Variants in CCSER1 observed in about 807,000 individuals in gnomAD.
The protein encoded by CCSER1 is serine-rich coiled-coil domain-containing protein 1.
In CCSER1, 41 loss-of-function variants were observed where a neutral mutation model predicts 82.0. The ratio of observed to expected loss-of-function variants is 0.50; its 90% CI spans 0.39 to 0.65. CCSER1 has a LOEUF of 0.65. Ranked by LOEUF, CCSER1 falls within the 30% of genes least tolerant of loss-of-function variation. The pLI is 0.00. For missense variants in CCSER1, 1,119 were observed against 1,064.2 expected (o/e 1.05, Z -0.72); for synonymous variants, 414 against 383.9 (o/e 1.08, Z -0.92).
intron 6 of CCSER1, among the ~76,000 whole-genome samples, chr4:90,640,142 C>A (rs1318823845): frequency 1.3e-5 from 2 of 152,030 alleles, no homozygotes; most frequent in African/African-American, 4.8e-5. Flanking sequence ...GAAGTTAATT[C>A]CAAAAGCATA....
intron 7 of CCSER1, among the ~76,000 whole-genome samples, chr4:90,752,623 G>A (rs1420030111): frequency 1.3e-5 from 2 of 152,058 alleles, no homozygotes; most frequent in Non-Finnish European, 2.9e-5. Flanking sequence ...CTGGAGTGAT[G>A]TGAACCAATG....
intron 10 of CCSER1, among the ~76,000 whole-genome samples, chr4:91,473,675 A>G (rs1005728364): frequency 1.3e-5 from 2 of 152,146 alleles, no homozygotes; most frequent in Non-Finnish European, 1.5e-5. Context: ...AGGAAAAATT[A>G]AAAGAGTGTT....
intron 10 of CCSER1, among the ~76,000 whole-genome samples, chr4:91,242,704 A>C (rs1739463705): frequency 6.6e-6 from 1 of 152,196 alleles, no homozygotes; most frequent in South Asian, 2.1e-4. Context: ...TAATAAAAAT[A>C]TTAGCCATGG....
intron 5 of CCSER1, among the ~76,000 whole-genome samples, chr4:90,556,092 A>C (rs1175309647): frequency 6.6e-6 from 1 of 152,102 alleles, no homozygotes; most frequent in African/African-American, 2.4e-5. Context: ...GAGGAAAAAA[A>C]AGTGTTTTGC....
intron 3 of CCSER1, chr4:90,325,594 A>T (rs1241454341): frequency 2.3e-6 from 1 of 434,664 alleles, no homozygotes; most frequent in Non-Finnish European, 4.7e-6. Context: ...TTATTGATTC[A>T]GGGTCTGCGA....
chr4:91,494,545 A>G lies in CCSER1; in HGVS notation c.2218-104027A>G, dbSNP rs1364517876. On this transcript the variant is annotated intron_variant, in intron 10 of 10. Transcript: ENST00000509176. ...TGTTACAAAAAGAGTACTAAGAAAT[A>G]TAATCCTTAGAAATATGCATACAGT... is the stretch of plus-strand genomic sequence containing the variant. 4.0e-5 allele frequency among the ~76,000 whole-genome samples: 6 copies of G among 151,840 alleles called. No homozygotes were observed. The Admixed American group carries it at 4.0e-4, about 10-fold the overall frequency.
chr4:91,588,270 A>AT (rs200994938), intron 10 of CCSER1, among the ~76,000 whole-genome samples: 417 of 150,780 alleles, frequency 2.8e-3, no homozygotes, highest in Non-Finnish European at 3.5e-3. Context: ...ATAGCCTTAG[A>AT]TTTTTTTTTC....
Position 90,253,182 on chromosome 4 carries a change from A to G in CCSER1, c.-41-55062A>G, listed in dbSNP as rs1173629493. ...TTCTATATGTCATAGGCCCAACAAT[A>G]TAATTATGTACATATTATTGTAAAA... is the stretch of plus-strand genomic sequence containing the variant. On this transcript the variant is annotated intron_variant, in intron 1 of 10. Coordinates refer to ENST00000509176, the MANE Select transcript of CCSER1 (RefSeq NM_001145065.2). Among the ~76,000 whole-genome samples the G allele has an allele frequency of 1.7e-4, 26 of 152,084 alleles. 1 individual carries two copies. Among genetic ancestry groups the G allele is most frequent in the Admixed American group, 1.7e-3 (26 of 15,248 alleles).
At chr4:90,798,747 G>T (rs1182562495) in intron 7 of CCSER1, among the ~76,000 whole-genome samples, 1 of 152,128 alleles carries the variant, frequency 6.6e-6, no homozygotes, top group Non-Finnish European at 1.5e-5. Flanking sequence ...AGATTTTAGG[G>T]GGTCACTGCT....
At chr4:91,309,392 A>C (rs1277199257) in intron 10 of CCSER1, among the ~76,000 whole-genome samples, 3 of 152,068 alleles carry the variant, frequency 2.0e-5, no homozygotes, top group Admixed American at 2.0e-4. Context: ...GCACGTGCTC[A>C]CATGAATGAG....
chr4:90,626,838 A>C lies in CCSER1; in HGVS notation c.1725-1187A>C, dbSNP rs548303301. 1.1e-4 allele frequency among the ~76,000 whole-genome samples: 16 copies of C among 152,322 alleles called. No homozygotes were observed. The East Asian group carries it at 3.1e-3, about 29-fold the overall frequency. On this transcript the variant is annotated intron_variant, in intron 5 of 10. Transcript: ENST00000509176. ...TTACATGACTGCCTGAGGTTCAATAAGAACTATATAAATATTAGCTATTAT... is the reference window on the plus strand; with the variant it reads ...TTACATGACTGCCTGAGGTTCAATACGAACTATATAAATATTAGCTATTAT...
intron 9 of CCSER1, among the ~76,000 whole-genome samples, chr4:90,947,437 T>C (rs10011972): frequency 0.027 from 4,111 of 152,274 alleles, 159 homozygotes; most frequent in African/African-American, 0.089. Flanking sequence ...TTTTAACATA[T>C]GACATAAACA....
At chr4:90,412,232 G>T (rs10029152) in intron 4 of CCSER1, among the ~76,000 whole-genome samples, 2 of 147,466 alleles carry the variant, frequency 1.4e-5, no homozygotes, top group African/African-American at 2.5e-5. Context: ...ACCAAACACC[G>T]CATGTTCTCA....
chr4:90,479,877 T>C lies in CCSER1; in HGVS notation c.1724+11523T>C, dbSNP rs573715050. Among the ~76,000 whole-genome samples the C allele has an allele frequency of 1.4e-4, 21 of 152,340 alleles. No individual in the cohort carries two copies. The Middle Eastern group carries it at 0.014, about 99-fold the overall frequency. Reference sequence around the variant, plus strand: ...TTTATAGCAGCATGATTTATAATCCTTTGGATATATACCCAGTAATGGGAT... The same window carrying C: ...TTTATAGCAGCATGATTTATAATCCCTTGGATATATACCCAGTAATGGGAT... On this transcript the variant is annotated intron_variant, in intron 5 of 10. Coordinates refer to ENST00000509176, the MANE Select transcript of CCSER1 (RefSeq NM_001145065.2).
chr4:90,497,899 A>G (rs1404983770), intron 5 of CCSER1, among the ~76,000 whole-genome samples: 1 of 151,738 alleles, frequency 6.6e-6, no homozygotes, highest in African/African-American at 2.4e-5. Flanking sequence ...GGTTCTTCTC[A>G]TGAGGGAGTG....
intron 3 of CCSER1, among the ~76,000 whole-genome samples, chr4:90,334,274 A>G (rs954820569): frequency 1.3e-5 from 2 of 152,102 alleles, no homozygotes; most frequent in African/African-American, 2.4e-5. Flanking sequence ...CTATTATATA[A>G]TGAGGGTTTG....
At chr4:90,206,686 G>A in intron 1 of CCSER1, among the ~76,000 whole-genome samples, 1 of 149,906 alleles carries the variant, frequency 6.7e-6, no homozygotes, top group Non-Finnish European at 1.5e-5. Context: ...TTGAGGTGGA[G>A]AGTTCTGTAG....
At chr4:91,281,932 G>A (rs1404051181) in intron 10 of CCSER1, among the ~76,000 whole-genome samples, 3 of 151,556 alleles carry the variant, frequency 2.0e-5, no homozygotes, top group Non-Finnish European at 2.9e-5. Flanking sequence ...TAGAAAACAT[G>A]TGTTTTTAGT....
chr4:90,515,965 A>G (rs1772205749), intron 5 of CCSER1, among the ~76,000 whole-genome samples: 1 of 152,192 alleles, frequency 6.6e-6, no homozygotes, highest in African/African-American at 2.4e-5. Flanking sequence ...ACAGTGTCAA[A>G]TGCTCTGTTT....
Sources: allele counts gnomAD v4.1 joint callset (sites outside exome capture counted in the v4.1 genomes callset), GRCh38; gene constraint gnomAD v4.1.1; transcripts MANE v1.5; gene names NCBI Gene and HGNC (gene_info 2026-07-23, HGNC 2026-07-21).